The following DMXL2 variants were observed in gnomAD, a reference collection of about 807,000 sequenced individuals.
The protein encoded by DMXL2 is Dmx like 2.
In DMXL2, 103 loss-of-function variants were observed where a neutral mutation model predicts 331.1. That is an observed-to-expected ratio of 0.31 (90% CI 0.27 to 0.37). The LOEUF (loss-of-function observed/expected upper bound fraction) is 0.37. Among genes scored for constraint, DMXL2 ranks in the 10% least tolerant of loss-of-function variants. The pLI, the probability that DMXL2 is intolerant of heterozygous loss-of-function variation, is 1.00. For synonymous variants in DMXL2, 1,281 were observed against 1,252.1 expected (o/e 1.02, Z -0.49); for missense variants, 3,171 against 3,642.9 (o/e 0.87, Z 3.33).
chr15:51,614,154 A>G (rs2054145568), intron 1 of DMXL2, among the ~76,000 whole-genome samples: 1 of 152,182 alleles, frequency 6.6e-6, no homozygotes, highest in African/African-American at 2.4e-5. Context: ...TACACAAAGG[A>G]AAAGCCATAT....
intron 1 of DMXL2, among the ~76,000 whole-genome samples, chr15:51,608,762 G>A (rs2053762384): frequency 6.6e-6 from 1 of 150,484 alleles, no homozygotes; most frequent in African/African-American, 2.5e-5. Context: ...AAAAAAGAAT[G>A]AAAAAAAAAG....
intron 1 of DMXL2, among the ~76,000 whole-genome samples, chr15:51,602,935 C>T (rs2053331079): frequency 6.6e-6 from 1 of 152,118 alleles, no homozygotes; most frequent in South Asian, 2.1e-4. Flanking sequence ...CTAAGAAAAT[C>T]TCAACTTGCA....
At chr15:51,553,676 C>T (rs1162658411) in intron 6 of DMXL2, among the ~76,000 whole-genome samples, 1 of 152,068 alleles carries the variant, frequency 6.6e-6, no homozygotes, top group African/African-American at 2.4e-5. Context: ...TGACCATCTA[C>T]ATCCACTTAA....
At chr15:51,613,949 C>G (rs908351312) in intron 1 of DMXL2, among the ~76,000 whole-genome samples, 7 of 152,156 alleles carry the variant, frequency 4.6e-5, no homozygotes, top group African/African-American at 1.7e-4. Context: ...AGGACCAGCT[C>G]AGCTGATTGT....
intron 6 of DMXL2, among the ~76,000 whole-genome samples, chr15:51,555,594 A>G (rs1028566504): frequency 2.0e-5 from 3 of 152,202 alleles, no homozygotes; most frequent in African/African-American, 7.2e-5. Flanking sequence ...CAGTAAAAAG[A>G]CCTACAAAAT....
chr15:51,490,921 T>C (rs2042748828), intron 20 of DMXL2, among the ~76,000 whole-genome samples: 1 of 152,124 alleles, frequency 6.6e-6, no homozygotes, highest in African/African-American at 2.4e-5. Flanking sequence ...GTCCTTTGTA[T>C]AAAAAGAGTT....
In DMXL2 at chr15:51,481,573, G is replaced by T. The variant is rs1180428452; in HGVS notation, c.5533C>A (p.Arg1845=). The part of the protein sequence containing the change: ...PVAFSFYNYL[R]THPLLIRRNL... The stretch of plus-strand genomic sequence containing the variant: ...CTTCGAATGAGCAAAGGATGAGTTC[G>T]AAGGTAGTTATAAAAACTAAATGCC... Residue 1845 remains arginine, a synonymous_variant, in exon 24 of 44, where the codon CGA becomes AGA. Transcript: ENST00000560891. The T allele has an allele frequency of 1.3e-6, 2 of 1,586,040 alleles. No homozygotes were observed. The highest frequency in any genetic ancestry group is 1.9e-5 in the Admixed American group (1 of 51,542).
intron 33 of DMXL2, chr15:51,462,932 G>T (rs917093155): frequency 6.5e-6 from 1 of 153,732 alleles, no homozygotes; most frequent in Non-Finnish European, 1.4e-5. Flanking sequence ...TATTTCTGTA[G>T]TTTATTCTCT....
chr15:51,605,705 G>A (rs1262681931), intron 1 of DMXL2, among the ~76,000 whole-genome samples: 2 of 98,648 alleles, frequency 2.0e-5, no homozygotes, highest in African/African-American at 3.4e-5. Flanking sequence ...CACCGCGCCC[G>A]GCTAATATTT....
intron 9 of DMXL2, among the ~76,000 whole-genome samples, chr15:51,539,972 G>GT: frequency 6.6e-6 from 1 of 152,282 alleles, no homozygotes; most frequent in Non-Finnish European, 1.5e-5. Context: ...GCTCTAATTT[G>GT]TTCTTTCTTT....
In DMXL2 at chr15:51,610,042, A is replaced by G. The variant is rs1160370048; in HGVS notation, c.87+12417T>C. The stretch of plus-strand genomic sequence containing the variant: ...ATGCATCTTCATTGTTAATCAATGC[A>G]TCACTGTATTTGGAAGAACGATCTG... On this transcript the variant is annotated intron_variant, in intron 1 of 43. Coordinates refer to ENST00000560891, the MANE Select transcript of DMXL2 (RefSeq NM_001378457.1). Among the ~76,000 whole-genome samples the G allele has an allele frequency of 2.6e-5, 4 of 152,222 alleles. 1 individual carries two copies. The East Asian group carries it at 7.7e-4, about 29-fold the overall frequency.
At chr15:51,556,842 G>T (rs1442273366) in intron 6 of DMXL2, among the ~76,000 whole-genome samples, 1 of 151,860 alleles carries the variant, frequency 6.6e-6, no homozygotes, top group Admixed American at 6.6e-5. Context: ...TATCGTTTGT[G>T]GTTTAGAAAA....
chr15:51,579,942 AG>A (rs1028718308), intron 1 of DMXL2, among the ~76,000 whole-genome samples: 2 of 152,216 alleles, frequency 1.3e-5, no homozygotes, highest in Non-Finnish European at 2.9e-5. Context: ...AGGCCCAGAA[AG>A]GGTAAGTAAT....
At chr15:51,536,987 TC>T in intron 11 of DMXL2, 125 bp from the exon 12 acceptor site, 1 of 783,428 alleles carries the variant, frequency 1.3e-6, no homozygotes, top group African/African-American at 1.7e-5. Flanking sequence ...CTCTTTATGG[TC>T]CAGTCCCCTT....
intron 1 of DMXL2, among the ~76,000 whole-genome samples, chr15:51,595,899 C>T (rs545411689): frequency 3.3e-5 from 5 of 152,268 alleles, no homozygotes; most frequent in South Asian, 4.1e-4. Flanking sequence ...CCCTTCCTTA[C>T]ACCTTATACA....
rs771040165 is a variant in DMXL2, at chr15:51,537,649, G to A, written c.1456C>T (p.Leu486=). 6.2e-7 allele frequency: 1 copy of A among 1,613,916 alleles called. No individual in the cohort carries two copies. Among genetic ancestry groups the A allele is most frequent in the Non-Finnish European group, 8.5e-7 (1 of 1,179,902 alleles). ...TTCCGATCAAGCAGAACCGTAGGCA[G>A]TGGCATTGGTACACTAAGTCGTGAG... ...TYSRLSVPMP[L]PTVLLDRKIE... is the part of the protein sequence containing the mutation. Residue 486 remains leucine, a synonymous_variant, in exon 11 of 44, where the codon CTG becomes TTG. Transcript: ENST00000560891.
At chr15:51,462,324 A>G (rs2040200334) in intron 33 of DMXL2, among the ~76,000 whole-genome samples, 1 of 151,898 alleles carries the variant, frequency 6.6e-6, no homozygotes, top group Non-Finnish European at 1.5e-5. Context: ...CTTCTCATTG[A>G]TTGTGTTTGC....
At chr15:51,483,413 T>C (rs4775944) in intron 23 of DMXL2, among the ~76,000 whole-genome samples, 75,884 of 152,022 alleles carry the variant, frequency 0.5, 19,174 homozygotes, top group Non-Finnish European at 0.52. Flanking sequence ...CCTAGGACCA[T>C]GACTGGCTAT....
intron 18 of DMXL2, among the ~76,000 whole-genome samples, chr15:51,497,821 G>C (rs1329417309): frequency 1.3e-5 from 2 of 152,138 alleles, no homozygotes; most frequent in Non-Finnish European, 2.9e-5. Context: ...GCTAGAAATG[G>C]GAAGACCAAC....
Sources: gnomAD v4.1 joint callset for allele counts (sites outside exome capture counted in the v4.1 genomes callset) on GRCh38, gnomAD v4.1.1 for gene constraint, MANE v1.5 for transcripts, NCBI Gene and HGNC (gene_info 2026-07-23, HGNC 2026-07-21) for gene names.